The following PRKG1 variants were observed in gnomAD, a reference collection of about 807,000 sequenced individuals.
PRKG1 encodes the protein protein kinase cGMP-dependent 1, also known as cGMP-dependent protein kinase 1.
A neutral mutation model predicts 88.1 loss-of-function variants in PRKG1; 35 were observed. The observed-to-expected ratio is 0.40, with a 90% CI of 0.30 to 0.53. The LOEUF is 0.53. PRKG1 is among the 20% of genes least tolerant of loss of function. PRKG1 has a pLI of 0.59. For missense variants in PRKG1, 540 were observed against 839.8 expected (o/e 0.64, Z 4.41); for synonymous variants, 303 against 292.5 (o/e 1.04, Z -0.37).
intron 8 of PRKG1, among the ~76,000 whole-genome samples, chr10:52,145,985 T>C (rs187622312): frequency 2.3e-4 from 35 of 152,300 alleles, no homozygotes; most frequent in Admixed American, 2.2e-3. Flanking sequence ...ATAATTGAAT[T>C]AGTTTTAAAT....
chr10:52,053,116 G>A (rs1846029359), intron 5 of PRKG1, among the ~76,000 whole-genome samples: 1 of 152,124 alleles, frequency 6.6e-6, no homozygotes, highest in South Asian at 2.1e-4. Context: ...ATTCATGTGT[G>A]TGTGCAGGAT....
rs187533993 is a variant in PRKG1, at chr10:51,987,131, A to G, written c.763-67353A>G. On this transcript the variant is annotated intron_variant, in intron 5 of 17. Transcript: ENST00000373980. ...GTCCTATTTGAAAATTACAGATTCTATTAGAAGCATCATATTAAAAAATCT... is the reference window on the plus strand; with the variant it reads ...GTCCTATTTGAAAATTACAGATTCTGTTAGAAGCATCATATTAAAAAATCT... Among the ~76,000 whole-genome samples, 464 of 152,286 alleles carry G rather than the reference A, an allele frequency of 3.0e-3. 5 individuals carry two copies. Among genetic ancestry groups the G allele is most frequent in the African/African-American group, 0.011 (443 of 41,576 alleles).
rs1419174929 is a variant in PRKG1 at position 52,226,189 on chromosome 10, T to C, written c.1077-25381T>C. Among the ~76,000 whole-genome samples, 3 of 152,292 alleles carry C rather than the reference T, an allele frequency of 2.0e-5. No individual in the cohort carries two copies. In the East Asian group the frequency reaches 5.8e-4, roughly 29 times the overall value. ...CTGAAAACATAGACAATTTGAATAC[T>C]GTTTTGATTACAAAACTCAGATTAC... is the stretch of plus-strand genomic sequence containing the variant. On this transcript the variant is annotated intron_variant, in intron 9 of 17. Coordinates refer to ENST00000373980, the MANE Select transcript of PRKG1 (RefSeq NM_006258.4).
intron 3 of PRKG1, among the ~76,000 whole-genome samples, chr10:51,553,154 C>A (rs1474266052): frequency 6.6e-6 from 1 of 151,626 alleles, no homozygotes; most frequent in Non-Finnish European, 1.5e-5. Context: ...ATTCAAAAAT[C>A]TTCTTGCTGA....
chr10:51,540,717 GT>G (rs1449939550), intron 3 of PRKG1, among the ~76,000 whole-genome samples: 4 of 151,500 alleles, frequency 2.6e-5, no homozygotes, highest in Non-Finnish European at 5.9e-5. Context: ...TAGTTTTTTT[GT>G]TTTTTGTTTG....
chr10:51,554,927 G>A (rs1483652298), intron 3 of PRKG1, among the ~76,000 whole-genome samples: 3 of 151,902 alleles, frequency 2.0e-5, no homozygotes, highest in Non-Finnish European at 2.9e-5. Flanking sequence ...GTTAAGGGCA[G>A]TGTAAAAGTT....
At chr10:51,999,946 A>G (rs938012669) in intron 5 of PRKG1, among the ~76,000 whole-genome samples, 1 of 152,094 alleles carries the variant, frequency 6.6e-6, no homozygotes, top group Non-Finnish European at 1.5e-5. Context: ...CATAGGAAAA[A>G]TTTTCGAATT....
chr10:51,112,379 G>T (rs367980314), intron 1 of PRKG1, among the ~76,000 whole-genome samples: 1 of 151,956 alleles, frequency 6.6e-6, no homozygotes, highest in Admixed American at 6.6e-5. Flanking sequence ...AGTATATGCC[G>T]CTTTTTCTAG....
At chr10:52,189,911 A>G (rs958681347) in intron 9 of PRKG1, among the ~76,000 whole-genome samples, 1 of 152,218 alleles carries the variant, frequency 6.6e-6, no homozygotes, top group African/African-American at 2.4e-5. Context: ...AATAATGAGT[A>G]TTCTCATTTA....
At chr10:52,084,362 C>A (rs1011287429) in intron 7 of PRKG1, among the ~76,000 whole-genome samples, 4 of 151,990 alleles carry the variant, frequency 2.6e-5, no homozygotes, top group South Asian at 2.1e-4. Flanking sequence ...TCCAACAAGA[C>A]CTGATTCTAC....
chr10:52,283,633 T>C lies in PRKG1; in HGVS notation c.1709+1317T>C, dbSNP rs891079149. Among the ~76,000 whole-genome samples, 4 of 152,248 alleles carry C rather than the reference T, an allele frequency of 2.6e-5. No homozygotes were observed. The South Asian group carries it at 8.3e-4, about 32-fold the overall frequency. ...ATAAATTATGTGTGACATAATCCAA[T>C]TTTGTTCAGTGTGGATTGTTCAATT... On this transcript the variant is annotated intron_variant, in intron 14 of 17. Transcript: ENST00000373980.
chr10:51,464,290 A>C (rs902186879), intron 2 of PRKG1, among the ~76,000 whole-genome samples: 40 of 152,088 alleles, frequency 2.6e-4, no homozygotes, highest in African/African-American at 9.4e-4. Context: ...TCTCAAAAAA[A>C]AAAGCAGTGC....
Position 51,476,221 on chromosome 10 carries a change from G to A in PRKG1, c.592+8385G>A, listed in dbSNP as rs564374229. 1.3e-4 allele frequency among the ~76,000 whole-genome samples: 20 copies of A among 152,062 alleles called. No homozygotes were observed. The East Asian group carries it at 1.5e-3, about 12-fold the overall frequency. On this transcript the variant is annotated intron_variant, in intron 3 of 17. Coordinates refer to ENST00000373980, the MANE Select transcript of PRKG1 (RefSeq NM_006258.4). ...CTTGGAATTGAGACCTGTAGAGATC[G>A]GAGGCCTACAGTATTGAAGGATACA...
intron 2 of PRKG1, among the ~76,000 whole-genome samples, chr10:51,343,683 A>T (rs1842050598): frequency 6.6e-6 from 1 of 152,182 alleles, no homozygotes; most frequent in Non-Finnish European, 1.5e-5. Flanking sequence ...TTACTAAAAA[A>T]ATTCTATGAA....
chr10:51,562,871 T>A (rs1320753750), intron 3 of PRKG1, among the ~76,000 whole-genome samples: 1 of 152,102 alleles, frequency 6.6e-6, no homozygotes, highest in African/African-American at 2.4e-5. Flanking sequence ...TAGGGTCCAG[T>A]GATCCTTTCA....
chr10:51,016,673 C>CTTCTTTCTTTTTTTTTTTTTTTTT lies in PRKG1; in HGVS notation c.266+25031_266+25032insCTTTCTTTTTTTTTTTTTTTTTTT, dbSNP rs1564571435. Among the ~76,000 whole-genome samples the CTTCTTTCTTTTTTTTTTTTTTTTT allele has an allele frequency of 3.4e-4, 12 of 35,192 alleles. 1 individual carries two copies. Among genetic ancestry groups the CTTCTTTCTTTTTTTTTTTTTTTTT allele is most frequent in the African/African-American group, 1.1e-3 (8 of 7,088 alleles). 23.1% of individuals were successfully genotyped at this position (35,192 alleles called of 152,430 possible). A position where few individuals can be genotyped will look rare whatever the true frequency, so the allele number is the denominator to read the frequency against. On this transcript the variant is annotated intron_variant, in intron 1 of 17. Coordinates refer to the PRKG1 transcript ENST00000401604. ...AGTGAAGAAGGTATTATTATCCTTTCTTTTTTTTTTTTTTTTTTTGGAATC... is the reference window on the plus strand; with the variant it reads ...AGTGAAGAAGGTATTATTATCCTTTCTTCTTTCTTTTTTTTTTTTTTTTTTTTTTTTTTTTTTTTTTTTGGAATC...
chr10:51,578,996 T>C (rs1432939624), intron 3 of PRKG1, among the ~76,000 whole-genome samples: 1 of 141,782 alleles, frequency 7.1e-6, no homozygotes, highest in Admixed American at 7.1e-5. Context: ...TTTTTTTTTT[T>C]TTTTTTTTTT....
At chr10:51,714,569 G>T (rs1172872034) in intron 3 of PRKG1, among the ~76,000 whole-genome samples, 2 of 152,170 alleles carry the variant, frequency 1.3e-5, no homozygotes, top group Admixed American at 6.5e-5. Flanking sequence ...GCAAAGAAAT[G>T]ACCTAAAGAG....
intron 3 of PRKG1, among the ~76,000 whole-genome samples, chr10:51,609,874 T>C (rs1379542441): frequency 6.6e-6 from 1 of 152,070 alleles, no homozygotes; most frequent in Non-Finnish European, 1.5e-5. Flanking sequence ...TTAGGAAATA[T>C]AGGTAATGCA....
Sources: allele counts gnomAD v4.1 joint callset (sites outside exome capture counted in the v4.1 genomes callset), GRCh38; gene constraint gnomAD v4.1.1; transcripts MANE v1.5; gene names NCBI Gene and HGNC (gene_info 2026-07-23, HGNC 2026-07-21).